PALM2AKAP2: variants seen among roughly 807,000 people sequenced by gnomAD.
PALM2AKAP2 encodes the protein PALM2-AKAP2 fusion protein.
In PALM2AKAP2, 37 loss-of-function variants were observed where a neutral mutation model predicts 71.5. The observed-to-expected ratio is 0.52, with a 90% CI of 0.40 to 0.68. The LOEUF (loss-of-function observed/expected upper bound fraction) is 0.68, where lower values mean the gene tolerates loss of function less well. Ranked by LOEUF, PALM2AKAP2 falls within the 30% of genes least tolerant of loss-of-function variation. PALM2AKAP2 has a pLI of 0.00. For missense variants in PALM2AKAP2, 1,224 were observed against 1,191.8 expected, an observed-to-expected ratio of 1.03 and a Z score of -0.40; for synonymous variants, 468 against 478.8, an observed-to-expected ratio of 0.98 and a Z score of 0.29.
In PALM2AKAP2 at chr9:109,996,203, T is replaced by C. The variant is rs76387386; in HGVS notation, c.497-19751T>C. Among the ~76,000 whole-genome samples, 1,433 of 152,340 alleles carry C rather than the reference T, an allele frequency of 9.4e-3. 23 individuals carry two copies. Among genetic ancestry groups the C allele is most frequent in the African/African-American group, 0.033 (1,383 of 41,570 alleles). On this transcript the variant is annotated intron_variant, in intron 6 of 9. Transcript: ENST00000302798. ...TTATGTCACATTTTTAGGGAGCAAA[T>C]GTTAAATATGTTTCCAGCCTAGTAA...
chr9:110,153,450 G>A (rs913818515), intron 2 of PALM2AKAP2, among the ~76,000 whole-genome samples: 2 of 152,188 alleles, frequency 1.3e-5, no homozygotes, highest in African/African-American at 4.8e-5. Flanking sequence ...AAATCCGCTT[G>A]TTACTCCAAA....
intron 6 of PALM2AKAP2, among the ~76,000 whole-genome samples, chr9:109,984,674 T>G (rs1470300265): frequency 1.3e-5 from 2 of 149,546 alleles, no homozygotes; most frequent in Admixed American, 1.3e-4. Context: ...CTGGGCAGCA[T>G]AGGAAGAATC....
chr9:110,076,732 G>A (rs1310245277), intron 1 of PALM2AKAP2, among the ~76,000 whole-genome samples: 1 of 151,988 alleles, frequency 6.6e-6, no homozygotes. Flanking sequence ...CACACATGAT[G>A]TTTAGATGCA....
At chr9:110,084,413 A>G (rs1020581669) in intron 1 of PALM2AKAP2, among the ~76,000 whole-genome samples, 1 of 152,238 alleles carries the variant, frequency 6.6e-6, no homozygotes, top group Non-Finnish European at 1.5e-5. Flanking sequence ...AAATAATGCC[A>G]ACAATGGAAA....
chr9:110,125,488 C>A, intron 1 of PALM2AKAP2: 1 of 985,342 alleles, frequency 1.0e-6, no homozygotes, highest in Non-Finnish European at 1.2e-6. Context: ...AGTCTTCCGT[C>A]AGGAGGCTCA....
intron 1 of PALM2AKAP2, among the ~76,000 whole-genome samples, chr9:109,671,502 G>A (rs988639487): frequency 3.9e-5 from 6 of 152,108 alleles, no homozygotes; most frequent in African/African-American, 1.4e-4. Flanking sequence ...TTTGGTTACT[G>A]TAGCCCTGTA....
intron 3 of PALM2AKAP2, among the ~76,000 whole-genome samples, chr9:109,881,032 C>T (rs72753074): frequency 0.21 from 31,495 of 152,114 alleles, 4,091 homozygotes; most frequent in Admixed American, 0.29. Context: ...TTCTCTCCCT[C>T]CTCCCTCCCT....
At chr9:110,014,199 T>A (rs1832930613) in intron 6 of PALM2AKAP2, among the ~76,000 whole-genome samples, 2 of 152,238 alleles carry the variant, frequency 1.3e-5, no homozygotes, top group Admixed American at 1.3e-4. Flanking sequence ...AATATTGTTC[T>A]TGAGCTATCC....
intron 3 of PALM2AKAP2, among the ~76,000 whole-genome samples, chr9:109,898,996 G>A (rs1187850307): frequency 6.6e-6 from 1 of 152,166 alleles, no homozygotes; most frequent in Non-Finnish European, 1.5e-5. Context: ...GGTGCTTTGA[G>A]GTTCTTGACT....
At chr9:110,063,148 T>C (rs1834000687) in intron 1 of PALM2AKAP2, among the ~76,000 whole-genome samples, 1 of 152,214 alleles carries the variant, frequency 6.6e-6, no homozygotes, top group Non-Finnish European at 1.5e-5. Context: ...TATCCCACCT[T>C]TTCTCCTTTA....
intron 1 of PALM2AKAP2, among the ~76,000 whole-genome samples, chr9:109,808,806 G>T (rs1827648083): frequency 6.6e-6 from 1 of 152,222 alleles, no homozygotes; most frequent in South Asian, 2.1e-4. Flanking sequence ...TTTGGGCTGG[G>T]CCCAGGGCCT....
chr9:110,125,772 CTCTCTCT>C (rs1488578826), intron 1 of PALM2AKAP2, among the ~76,000 whole-genome samples: 1 of 143,118 alleles, frequency 7.0e-6, no homozygotes, highest in African/African-American at 2.6e-5. Flanking sequence ...TCTTGCTTCT[CTCTCTCT>C]TTTTTTTTTT....
chr9:110,009,755 A>G (rs569244937), intron 6 of PALM2AKAP2, among the ~76,000 whole-genome samples: 2 of 150,444 alleles, frequency 1.3e-5, no homozygotes, highest in East Asian at 3.9e-4. Context: ...TTTTGTCTAC[A>G]GGGTACTCTA....
At chr9:109,875,369 G>A (rs1587977940) in intron 2 of PALM2AKAP2, among the ~76,000 whole-genome samples, 3 of 152,266 alleles carry the variant, frequency 2.0e-5, no homozygotes, top group African/African-American at 7.2e-5. Flanking sequence ...AGATTATCTT[G>A]CATCCTTGTT....
At chr9:110,026,872 G>A (rs1414293108) in intron 7 of PALM2AKAP2, among the ~76,000 whole-genome samples, 1 of 151,962 alleles carries the variant, frequency 6.6e-6, no homozygotes, top group African/African-American at 2.4e-5. Context: ...GTGAAACCCC[G>A]TCTCTACTAA....
intron 3 of PALM2AKAP2, among the ~76,000 whole-genome samples, chr9:109,912,502 C>T (rs1270850791): frequency 6.6e-6 from 1 of 152,166 alleles, no homozygotes; most frequent in Non-Finnish European, 1.5e-5. Flanking sequence ...GAAGCTGTTT[C>T]CTTACAAATT....
intron 2 of PALM2AKAP2, among the ~76,000 whole-genome samples, chr9:110,143,175 A>C (rs931549837): frequency 6.6e-6 from 1 of 151,304 alleles, no homozygotes; most frequent in Non-Finnish European, 1.5e-5. Context: ...TAATCCCAGC[A>C]CTTTTGGAGG....
chr9:109,953,972 C>T (rs541704390), intron 6 of PALM2AKAP2, among the ~76,000 whole-genome samples: 7 of 152,098 alleles, frequency 4.6e-5, no homozygotes, highest in African/African-American at 1.7e-4. Context: ...CCTTTACCTA[C>T]TCAAGCAAAT....
At chr9:109,933,387 T>A (rs1330118392) in intron 6 of PALM2AKAP2, among the ~76,000 whole-genome samples, 1 of 152,238 alleles carries the variant, frequency 6.6e-6, no homozygotes, top group Non-Finnish European at 1.5e-5. Context: ...TGGCTCCTGA[T>A]AGTTGTGGGT....
Sources: gnomAD v4.1 joint callset for allele counts (sites outside exome capture counted in the v4.1 genomes callset) on GRCh38, gnomAD v4.1.1 for gene constraint, MANE v1.5 for transcripts, NCBI Gene and HGNC (gene_info 2026-07-23, HGNC 2026-07-21) for gene names.